Variants in PLCB4 observed in about 807,000 individuals in gnomAD.
The protein encoded by PLCB4 is 1-phosphatidylinositol 4,5-bisphosphate phosphodiesterase beta-4.
PLCB4 carries 77 observed loss-of-function variants against 178.8 expected under a neutral mutation model. That is an observed-to-expected ratio of 0.43 (90% CI 0.36 to 0.52). The LOEUF is 0.52. Ranked by LOEUF, PLCB4 falls within the 20% of genes least tolerant of loss-of-function variation. The pLI is 0.00. For missense variants in PLCB4, 1,024 were observed against 1,453.4 expected (o/e 0.70, Z 4.80); for synonymous variants, 496 against 490.8 (o/e 1.01, Z -0.14).
intron 2 of PLCB4, among the ~76,000 whole-genome samples, chr20:9,109,916 A>G (rs1253390775): frequency 1.3e-5 from 2 of 152,094 alleles, no homozygotes; most frequent in African/African-American, 4.8e-5. Flanking sequence ...CACTTAACCA[A>G]TTCAGGCCTC....
rs1444473183 is a variant in PLCB4, at chr20:9,363,031, A to G, written c.449+56A>G. 13 of 1,187,010 alleles carry G rather than the reference A, an allele frequency of 1.1e-5. No homozygotes were observed. The Admixed American group carries it at 1.6e-4, about 15-fold the overall frequency. The allele number at this position is 1,187,010 out of a possible 1,614,324, so 73.5% of individuals were successfully genotyped here. A position where few individuals can be genotyped will look rare whatever the true frequency, so the allele number is the denominator to read the frequency against. ...TGGCAGTTATCAAACAAATGGTCAG[A>G]TGAAGAGATGAAGGCTAGGTGGTTC... is the stretch of plus-strand genomic sequence containing the variant. On this transcript the variant is annotated intron_variant, in intron 8 of 39. Transcript: ENST00000378473.
In PLCB4 at chr20:9,384,344, A is replaced by T; in HGVS notation, c.997A>T (p.Thr333Ser). Residue 333 changes from threonine (T) to serine (S), a missense_variant, in exon 14 of 40, where the codon ACT becomes TCT. By Grantham distance (58) the Thr-to-Ser change is moderately conservative (BLOSUM62 1). This residue lies in a region of PLCB4 where 263 missense variants were observed against 417.4 expected (regional missense o/e 0.63). Transcript: ENST00000378473. ...CAGTTCTTCCCATAACACTTATCTCACTGGCAGACAGTTCGGCGGGAAGTC... is the reference window on the plus strand; with the variant it reads ...CAGTTCTTCCCATAACACTTATCTCTCTGGCAGACAGTTCGGCGGGAAGTC... The part of the protein sequence containing the change: ...FISSSHNTYL[T>S]GRQFGGKSSV... 6.2e-7 allele frequency: 1 copy of T among 1,611,762 alleles called. No homozygotes were observed. The highest frequency in any genetic ancestry group is 8.5e-7 in the Non-Finnish European group (1 of 1,177,892).
intron 2 of PLCB4, among the ~76,000 whole-genome samples, chr20:9,171,316 G>A (rs944272944): frequency 2.0e-5 from 3 of 152,156 alleles, no homozygotes; most frequent in African/African-American, 7.2e-5. Flanking sequence ...TTAGTAGACA[G>A]TTTACGTTTC....
chr20:9,166,131 C>T (rs2092966632), intron 2 of PLCB4, among the ~76,000 whole-genome samples: 1 of 152,098 alleles, frequency 6.6e-6, no homozygotes, highest in East Asian at 1.9e-4. Context: ...ACTACATTTC[C>T]TGAATTGTGG....
chr20:9,389,844 T>G, intron 15 of PLCB4, 35 bp from the exon 16 acceptor site: 19 of 1,219,788 alleles, frequency 1.6e-5, no homozygotes, highest in Non-Finnish European at 2.1e-5. Flanking sequence ...TTTTTTGCTC[T>G]TTTCTCTCAT....
In PLCB4 at chr20:9,401,519, T is replaced by C. The variant is rs765044365; in HGVS notation, c.1540T>C (p.Phe514Leu). Residue 514 changes from phenylalanine (F) to leucine (L), a missense_variant, in exon 20 of 40, where the codon TTC becomes CTC. This residue lies in a region of PLCB4 where 263 missense variants were observed against 417.4 expected (regional missense o/e 0.63). Coordinates refer to ENST00000378473, the MANE Select transcript of PLCB4 (RefSeq NM_001377142.1). ...CCAAGAGGAGGAAGCTCACCCCGAA[T>C]TCAAATTTGGAAATGAACTTTCTGC... ...ADQEEEAHPE[F>L]KFGNELSADD... 3 of 1,613,888 alleles carry C rather than the reference T, an allele frequency of 1.9e-6. No individual in the cohort carries two copies. The highest frequency in any genetic ancestry group is 1.7e-4 in the Middle Eastern group (1 of 6,060).
intron 3 of PLCB4, among the ~76,000 whole-genome samples, chr20:9,266,818 CAATA>C (rs1408906031): frequency 6.6e-6 from 1 of 151,834 alleles, no homozygotes; most frequent in African/African-American, 2.4e-5. Context: ...GTGTGGGTCT[CAATA>C]AAATTATAAA....
At chr20:9,459,902 A>T in intron 35 of PLCB4, 92 bp downstream of exon 35, 7 of 781,532 alleles carry the variant, frequency 9.0e-6, no homozygotes, top group Non-Finnish European at 1.0e-5. Flanking sequence ...AATAAGTGAA[A>T]TCAATTTGAC....
chr20:9,275,200 A>C (rs2015418), intron 3 of PLCB4, among the ~76,000 whole-genome samples: 62,392 of 151,868 alleles, frequency 0.41, 13,302 homozygotes, highest in East Asian at 0.69. Flanking sequence ...GGAGGGCACA[A>C]GGCACTTCTT....
intron 13 of PLCB4, among the ~76,000 whole-genome samples, chr20:9,383,816 T>G (rs1028338): frequency 0.23 from 34,496 of 152,074 alleles, 7,579 homozygotes; most frequent in African/African-American, 0.58. Flanking sequence ...GTCAGATAGG[T>G]CCAGTCTTTT....
Position 9,075,103 on chromosome 20 carries a change from C to T in PLCB4, c.-135+5897C>T, listed in dbSNP as rs561027186. 5.9e-5 allele frequency among the ~76,000 whole-genome samples: 9 copies of T among 152,204 alleles called. No homozygotes were observed. The South Asian group carries it at 1.9e-3, about 32-fold the overall frequency. ...TTTTGAGTGTGTCCTAATAGCATCT[C>T]CAGTTTATACTTGGGGAAACTGAGG... On this transcript the variant is annotated intron_variant, in intron 1 of 39. Transcript: ENST00000378473.
chr20:9,107,695 C>T (rs1375416864), intron 2 of PLCB4, among the ~76,000 whole-genome samples: 1 of 151,892 alleles, frequency 6.6e-6, no homozygotes, highest in Non-Finnish European at 1.5e-5. Context: ...GTGTGGACTT[C>T]GACTCCTGCT....
chr20:9,256,890 G>C (rs577042863), intron 3 of PLCB4, among the ~76,000 whole-genome samples: 4 of 152,184 alleles, frequency 2.6e-5, no homozygotes, highest in African/African-American at 4.8e-5. Context: ...ACTCTAGTAT[G>C]CTGAGTAGCA....
intron 2 of PLCB4, among the ~76,000 whole-genome samples, chr20:9,097,187 G>A (rs1222246644): frequency 6.6e-6 from 1 of 150,856 alleles, no homozygotes; most frequent in Non-Finnish European, 1.5e-5. Context: ...TGCCTACCCC[G>A]GCCTCCGAAA....
At chr20:9,202,128 G>C (rs1475259668) in intron 2 of PLCB4, among the ~76,000 whole-genome samples, 1 of 152,220 alleles carries the variant, frequency 6.6e-6, no homozygotes, top group Non-Finnish European at 1.5e-5. Flanking sequence ...AAAGAAGCTG[G>C]AGTCAGACTT....
intron 20 of PLCB4, among the ~76,000 whole-genome samples, chr20:9,404,978 T>C (rs1420757250): frequency 6.6e-6 from 1 of 152,194 alleles, no homozygotes; most frequent in Admixed American, 6.5e-5. Context: ...CCATAACAAA[T>C]ACCCAGACAT....
intron 3 of PLCB4, among the ~76,000 whole-genome samples, chr20:9,289,402 A>G (rs1165601303): frequency 6.6e-6 from 1 of 152,086 alleles, no homozygotes; most frequent in Non-Finnish European, 1.5e-5. Flanking sequence ...GTGAATAATG[A>G]TTTTATAAGG....
At chr20:9,476,052 T>C (rs1039821202) in intron 38 of PLCB4, among the ~76,000 whole-genome samples, 1 of 152,198 alleles carries the variant, frequency 6.6e-6, no homozygotes, top group Non-Finnish European at 1.5e-5. Flanking sequence ...GTGACCCTAC[T>C]CCTAATCGGT....
chr20:9,384,075 C>A, intron 13 of PLCB4, 126 bp from the exon 14 acceptor site: 3 of 688,690 alleles, frequency 4.4e-6, no homozygotes, highest in African/African-American at 1.8e-5. Flanking sequence ...GATGAAAGTT[C>A]TTGGGAAAGA....
Sources: gnomAD v4.1 joint callset for allele counts (sites outside exome capture counted in the v4.1 genomes callset) on GRCh38, gnomAD v4.1.1 for gene constraint, gnomAD v4.1.1 regional missense constraint, MANE v1.5 for transcripts, NCBI Gene and HGNC (gene_info 2026-07-23, HGNC 2026-07-21) for gene names.